TAB2: variants seen among roughly 807,000 people sequenced by gnomAD.
TAB2 encodes TGF-beta-activated kinase 1 and MAP3K7-binding protein 2.
In TAB2, 3 loss-of-function variants were observed where a neutral mutation model predicts 65.0. The observed-to-expected ratio is 0.05, with a 90% CI of 0.02 to 0.12. The LOEUF is 0.12. Ranked by LOEUF, TAB2 falls within the 10% of genes least tolerant of loss-of-function variation. The pLI is 1.00. For synonymous variants in TAB2, 298 were observed against 285.1 expected, an observed-to-expected ratio of 1.05 and a Z score of -0.46; for missense variants, 623 against 840.3, an observed-to-expected ratio of 0.74 and a Z score of 3.20.
intron 1 of TAB2, among the ~76,000 whole-genome samples, chr6:149,343,670 C>T (rs1246650745): frequency 6.6e-6 from 1 of 152,094 alleles, no homozygotes; most frequent in South Asian, 2.1e-4. Flanking sequence ...TACAAATAGT[C>T]AGAGTCATCC....
At chr6:149,313,975 T>C (rs1445428357), upstream of TAB2, among the ~76,000 whole-genome samples, 1 of 152,216 alleles carries the variant, frequency 6.6e-6, no homozygotes, top group Non-Finnish European at 1.5e-5. Flanking sequence ...CAGACAGTGA[T>C]GCCTGCACCC....
At chr6:149,284,148 G>A (rs1778626990) in intron 1 of TAB2, among the ~76,000 whole-genome samples, 1 of 150,592 alleles carries the variant, frequency 6.6e-6, no homozygotes, top group Non-Finnish European at 1.5e-5. Context: ...GGGTTTAAAA[G>A]TATCATACCT....
At chr6:149,245,343 G>A (rs942132705) in intron 1 of TAB2, 2 of 152,146 alleles carry the variant, frequency 1.3e-5, no homozygotes, top group African/African-American at 4.8e-5. Context: ...AATCACTATG[G>A]TGTGCTGTTT....
At chr6:149,295,133 G>A (rs1019970991) in intron 1 of TAB2, among the ~76,000 whole-genome samples, 1 of 152,142 alleles carries the variant, frequency 6.6e-6, no homozygotes, top group Non-Finnish European at 1.5e-5. Context: ...ACCTAAAACA[G>A]GGTCAAGATT....
chr6:149,403,720 A>G (rs865964797), intron 6 of TAB2, among the ~76,000 whole-genome samples: 1 of 152,052 alleles, frequency 6.6e-6, no homozygotes, highest in Non-Finnish European at 1.5e-5. Context: ...ACTTTTATTC[A>G]TGGCAGAAAG....
rs1554255794 is a variant in TAB2 at position 149,275,139 on chromosome 6, T to TTATTA, written c.-121+56364_-121+56365insATTAT. Reference sequence around the variant, plus strand: ...TCTCTTCTTCTGTTTTTTTTTTTTTTTTTTGAGTTGGAGTCTTGCTCTATT... The same window carrying TTATTA: ...TCTCTTCTTCTGTTTTTTTTTTTTTTTATTATTTTGAGTTGGAGTCTTGCTCTATT... On this transcript the variant is annotated intron_variant, in intron 1 of 1. Transcript: ENST00000606202. Among the ~76,000 whole-genome samples, 9 of 113,480 alleles carry TTATTA rather than the reference T, an allele frequency of 7.9e-5. 1 individual carries two copies. The highest frequency in any genetic ancestry group is 2.6e-4 in the East Asian group (1 of 3,822). 74.4% of individuals were successfully genotyped at this position (113,480 alleles called of 152,430 possible).
At chr6:149,267,099 C>T (rs1482781968) in intron 1 of TAB2, among the ~76,000 whole-genome samples, 2 of 151,994 alleles carry the variant, frequency 1.3e-5, no homozygotes, top group Non-Finnish European at 2.9e-5. Flanking sequence ...GCAGAAGGAC[C>T]AGTGAATGCC....
At chr6:149,276,650 A>T (rs1778479522) in intron 1 of TAB2, among the ~76,000 whole-genome samples, 1 of 152,258 alleles carries the variant, frequency 6.6e-6, no homozygotes, top group Non-Finnish European at 1.5e-5. Context: ...TATCACATTC[A>T]TAAAAACCCA....
At chr6:149,304,040 G>C (rs892861452) in intron 1 of TAB2, 2 of 152,236 alleles carry the variant, frequency 1.3e-5, no homozygotes, top group South Asian at 4.1e-4. Context: ...TTCAAATTTT[G>C]TTTAAACAAC....
At chr6:149,336,922 TAAAAAA>T (rs67712825) in intron 1 of TAB2, among the ~76,000 whole-genome samples, 117 of 149,596 alleles carry the variant, frequency 7.8e-4, no homozygotes, top group African/African-American at 2.7e-3. Flanking sequence ...TGCATTTAGA[TAAAAAA>T]AAAAAAGTGA....
chr6:149,337,699 T>G lies in TAB2; in HGVS notation c.-90+19684T>G, dbSNP rs376784461. Among the ~76,000 whole-genome samples, 16 of 152,364 alleles carry G rather than the reference T, an allele frequency of 1.1e-4. No individual in the cohort carries two copies. The South Asian group carries it at 2.7e-3, about 26-fold the overall frequency. ...CTTCCTCTTTTATTATTTATCTGTT[T>G]CAGTTTATTAAATTCCTCTGCAATT... is the stretch of plus-strand genomic sequence containing the variant. On this transcript the variant is annotated intron_variant, in intron 1 of 6. Transcript: ENST00000637181.
chr6:149,291,881 A>C (rs1043236462), intron 1 of TAB2, among the ~76,000 whole-genome samples: 5 of 152,164 alleles, frequency 3.3e-5, no homozygotes, highest in African/African-American at 1.2e-4. Flanking sequence ...AAAAACAAAC[A>C]AAAGAAACTA....
At chr6:149,229,493 T>C (rs1221056226) in intron 1 of TAB2, among the ~76,000 whole-genome samples, 1 of 152,016 alleles carries the variant, frequency 6.6e-6, no homozygotes, top group Admixed American at 6.6e-5. Flanking sequence ...GTCTGCACAA[T>C]TGATCATGGC....
chr6:149,411,244 A>G lies in TAB2; in HGVS notation c.*1525A>G, dbSNP rs181003043. The G allele has an allele frequency of 2.6e-5, 4 of 152,584 alleles. No individual in the cohort carries two copies. Among genetic ancestry groups the G allele is most frequent in the East Asian group, 1.9e-4 (1 of 5,182 alleles). The allele number at this position is 152,584 out of a possible 1,614,324, so 9.5% of individuals were successfully genotyped here. ...CAAAGGATGGAAGATAATATAGACT[A>G]CCACCCACTGTAAATGTTTGCAAGT... On this transcript the variant is annotated 3_prime_UTR_variant, in exon 7 of 7. Transcript: ENST00000637181.
intron 6 of TAB2, chr6:149,400,611 G>T (rs758906762): frequency 1.9e-6 from 3 of 1,614,214 alleles, no homozygotes. Flanking sequence ...AGACAAACCT[G>T]CACAGTTGGA....
intron 1 of TAB2, among the ~76,000 whole-genome samples, chr6:149,230,927 T>G (rs1777391594): frequency 6.6e-6 from 1 of 152,218 alleles, no homozygotes; most frequent in Non-Finnish European, 1.5e-5. Flanking sequence ...GCTTCCTGCA[T>G]GTTTTGTGCA....
In TAB2 at chr6:149,378,685, C is replaced by G; in HGVS notation, c.770C>G (p.Thr257Ser). 1 of 1,613,912 alleles carries G rather than the reference C, an allele frequency of 6.2e-7. No individual in the cohort carries two copies. Among genetic ancestry groups the G allele is most frequent in the South Asian group, 1.1e-5 (1 of 91,076 alleles). Residue 257 changes from threonine to serine, a missense_variant, in exon 3 of 7, where the codon ACT (threonine) becomes AGT (serine). Thr to Ser is a moderately conservative substitution (Grantham distance 58). This residue lies in a region of TAB2 where 550 missense variants were observed against 665.7 expected (regional missense o/e 0.83). Transcript: ENST00000637181. ...VYQPSQPGPWTTCPASNPLSH... is the reference protein window; with the variant it reads ...VYQPSQPGPWSTCPASNPLSH... Reference sequence around the variant, plus strand: ...CAGCCTTCACAGCCTGGTCCCTGGACTACTTGTCCTGCATCTAATCCTCTG... The same window carrying G: ...CAGCCTTCACAGCCTGGTCCCTGGAGTACTTGTCCTGCATCTAATCCTCTG...
intron 1 of TAB2, among the ~76,000 whole-genome samples, 173 bp downstream of exon 1, chr6:149,318,188 G>C (rs549774161): frequency 6.6e-6 from 1 of 152,058 alleles, no homozygotes; most frequent in East Asian, 1.9e-4. Flanking sequence ...CCCCAGTGGC[G>C]TGGCGGAGAG....
At chr6:149,362,588 A>G (rs1780887779) in intron 1 of TAB2, among the ~76,000 whole-genome samples, 1 of 151,390 alleles carries the variant, frequency 6.6e-6, no homozygotes, top group Non-Finnish European at 1.5e-5. Context: ...TGCCCTAACT[A>G]TATTATAACC....
Sources: allele counts gnomAD v4.1 joint callset (sites outside exome capture counted in the v4.1 genomes callset), GRCh38; gene constraint gnomAD v4.1.1; regional missense constraint gnomAD v4.1.1; transcripts MANE v1.5; gene names NCBI Gene and HGNC (gene_info 2026-07-23, HGNC 2026-07-21).